Variants in DIAPH2 observed in about 807,000 individuals in gnomAD.
DIAPH2 encodes protein diaphanous homolog 2.
A neutral mutation model predicts 92.7 loss-of-function variants in DIAPH2; 35 were observed. The ratio of observed to expected loss-of-function variants is 0.38; its 90% confidence interval spans 0.29 to 0.50. The LOEUF is 0.50. Ranked by LOEUF, DIAPH2 falls within the 20% of genes least tolerant of loss-of-function variation. The pLI, the probability that DIAPH2 is intolerant of heterozygous loss-of-function variation, is 0.94. For synonymous variants in DIAPH2, 301 were observed against 280.4 expected (o/e 1.07, Z -0.73); for missense variants, 701 against 819.5 (o/e 0.86, Z 1.77).
chrX:97,532,708 A>G (rs1210825494), intron 26 of DIAPH2, among the ~76,000 whole-genome samples: 1 of 112,787 alleles, frequency 8.9e-6, no homozygotes, highest in Non-Finnish European at 1.9e-5. Flanking sequence ...AGTAAAAGTC[A>G]CTAGCATAAT....
intron 26 of DIAPH2, among the ~76,000 whole-genome samples, chrX:97,557,836 A>G (rs984038143): frequency 8.9e-6 from 1 of 112,209 alleles, no homozygotes; most frequent in African/African-American, 3.2e-5. Flanking sequence ...GTCTTAATAA[A>G]CAAATACAGC....
rs559284546 is a variant in DIAPH2, at chrX:97,036,359, C to T, written c.2051-36582C>T. Among the ~76,000 whole-genome samples the T allele has an allele frequency of 7.0e-4, 78 of 112,028 alleles. No homozygotes were observed. In the South Asian group the frequency reaches 0.027, roughly 39 times the overall value. ...ATATCTTAGAAACTGCTACAGAAGTCAATATTCTTAGAAAATTCAGTAATT... is the reference window on the plus strand; with the variant it reads ...ATATCTTAGAAACTGCTACAGAAGTTAATATTCTTAGAAAATTCAGTAATT... On this transcript the variant is annotated intron_variant, in intron 17 of 26. Coordinates refer to ENST00000324765, the MANE Select transcript of DIAPH2 (RefSeq NM_006729.5).
intron 9 of DIAPH2, among the ~76,000 whole-genome samples, chrX:96,925,694 C>G: frequency 8.9e-6 from 1 of 111,832 alleles, no homozygotes. Context: ...CAATGGCTTC[C>G]CACAGTCTCC....
intron 17 of DIAPH2, among the ~76,000 whole-genome samples, chrX:96,989,792 ACCACTAGTTT>A (rs2066056544): frequency 9.0e-6 from 1 of 111,686 alleles, no homozygotes; most frequent in Admixed American, 9.5e-5. Flanking sequence ...ACTCCTTCAG[ACCACTAGTTT>A]CCCTTCTGTT....
chrX:97,091,493 C>T (rs896539948), intron 19 of DIAPH2, among the ~76,000 whole-genome samples: 2 of 110,887 alleles, frequency 1.8e-5, no homozygotes, highest in African/African-American at 6.6e-5. Context: ...CCAGGCTTGT[C>T]TCAATCTCCT....
intron 5 of DIAPH2, chrX:96,884,638 A>C: frequency 8.3e-7 from 1 of 1,210,537 alleles, no homozygotes; most frequent in Non-Finnish European, 1.1e-6. Context: ...GTGGTTTGGT[A>C]GAGAGAAAGT....
intron 25 of DIAPH2, among the ~76,000 whole-genome samples, chrX:97,387,485 A>C (rs1703671312): frequency 8.9e-6 from 1 of 112,223 alleles, no homozygotes; most frequent in African/African-American, 3.2e-5. Flanking sequence ...CCAATGTTAC[A>C]GTTCAAGTCT....
intron 9 of DIAPH2, among the ~76,000 whole-genome samples, chrX:96,926,869 A>AT (rs1328395293): frequency 9.0e-6 from 1 of 111,364 alleles, no homozygotes. Context: ...AAATTCACTG[A>AT]TTTTTTGTGA....
chrX:96,751,650 TTG>T (rs1252213929), intron 3 of DIAPH2, among the ~76,000 whole-genome samples: 1,283 of 89,545 alleles, frequency 0.014, 129 homozygotes, highest in African/African-American at 0.051. Flanking sequence ...CTTCAGTGTT[TTG>T]TTTTTTTTTT....
At chrX:97,408,100 A>G (rs2069829093) in intron 25 of DIAPH2, among the ~76,000 whole-genome samples, 1 of 111,554 alleles carries the variant, frequency 9.0e-6, no homozygotes, top group Non-Finnish European at 1.9e-5. Flanking sequence ...CAAGTGATCA[A>G]CTCTCATGTA....
intron 4 of DIAPH2, among the ~76,000 whole-genome samples, chrX:96,776,430 C>T (rs1448335571): frequency 6.4e-5 from 7 of 110,007 alleles, no homozygotes; most frequent in African/African-American, 2.3e-4. Flanking sequence ...AGGCTGGTCT[C>T]GAACTCCTGA....
intron 23 of DIAPH2, among the ~76,000 whole-genome samples, chrX:97,308,435 T>G (rs2147636553): frequency 9.1e-6 from 1 of 110,111 alleles, no homozygotes; most frequent in East Asian, 2.9e-4. Flanking sequence ...CTTTGCTTGC[T>G]ATACTCCCTT....
chrX:97,458,580 G>C (rs1490010984), intron 26 of DIAPH2, among the ~76,000 whole-genome samples: 3 of 111,248 alleles, frequency 2.7e-5, no homozygotes, highest in African/African-American at 9.8e-5. Flanking sequence ...TTCAGGTTTT[G>C]TCTTTTTGTC....
chrX:96,908,081 A>C (rs2065444751), intron 5 of DIAPH2, among the ~76,000 whole-genome samples: 1 of 111,816 alleles, frequency 8.9e-6, no homozygotes, highest in Non-Finnish European at 1.9e-5. Flanking sequence ...GACCCAAATC[A>C]GATAAGTAGT....
At chrX:97,071,676 G>A (rs1014607159) in intron 17 of DIAPH2, among the ~76,000 whole-genome samples, 4 of 111,319 alleles carry the variant, frequency 3.6e-5, no homozygotes, top group Admixed American at 9.6e-5. Flanking sequence ...AAGTCTTAAC[G>A]GACTTCCAGT....
At chrX:96,717,562 A>T (rs2063957892) in intron 1 of DIAPH2, among the ~76,000 whole-genome samples, 1 of 98,720 alleles carries the variant, frequency 1.0e-5, no homozygotes, top group African/African-American at 3.7e-5. Context: ...TGTGAAATCC[A>T]CTTTGCCTGA....
intron 25 of DIAPH2, among the ~76,000 whole-genome samples, chrX:97,406,596 C>T (rs777076141): frequency 3.6e-5 from 4 of 111,727 alleles, no homozygotes; most frequent in African/African-American, 1.3e-4. Context: ...TTCCATACGT[C>T]GTAAGAGTAT....
Position 96,955,417 on chromosome X carries a change from A to G in DIAPH2, c.1615-2411A>G, listed in dbSNP as rs1371220472. Among the ~76,000 whole-genome samples the G allele has an allele frequency of 1.2e-4, 13 of 111,785 alleles. No individual in the cohort carries two copies. In the Admixed American group the frequency reaches 1.2e-3, roughly 11 times the overall value. ...TGGCGATGCAGAGCTAAACCATATCATTCCACCCTTAGCCCTTCCCAAATC... is the reference window on the plus strand; with the variant it reads ...TGGCGATGCAGAGCTAAACCATATCGTTCCACCCTTAGCCCTTCCCAAATC... On this transcript the variant is annotated intron_variant, in intron 15 of 26. Coordinates refer to ENST00000324765, the MANE Select transcript of DIAPH2 (RefSeq NM_006729.5).
At chrX:97,294,385 A>G (rs772135818) in intron 23 of DIAPH2, among the ~76,000 whole-genome samples, 1 of 112,507 alleles carries the variant, frequency 8.9e-6, no homozygotes, top group Non-Finnish European at 1.9e-5. Flanking sequence ...ACTGAGACCC[A>G]GAAAGAGGAA....
Sources: allele counts gnomAD v4.1 joint callset (sites outside exome capture counted in the v4.1 genomes callset), GRCh38; gene constraint gnomAD v4.1.1; transcripts MANE v1.5; gene names NCBI Gene and HGNC (gene_info 2026-07-23, HGNC 2026-07-21).